The following SLC35D1 variants were observed in gnomAD, a reference collection of about 807,000 sequenced individuals.
The protein encoded by SLC35D1 is nucleotide sugar transporter SLC35D1.
In SLC35D1, 31 loss-of-function variants were observed where a neutral mutation model predicts 46.7. The observed-to-expected ratio is 0.66, with a 90% confidence interval of 0.50 to 0.90. The LOEUF (loss-of-function observed/expected upper bound fraction) is 0.90, where lower values mean the gene tolerates loss of function less well. SLC35D1 is among the 40% of genes least tolerant of loss of function. The pLI, the probability that SLC35D1 is intolerant of heterozygous loss-of-function variation, is 0.00. For missense variants in SLC35D1, 397 were observed against 426.2 expected (o/e 0.93, Z 0.60); for synonymous variants, 195 against 164.6 (o/e 1.18, Z -1.41).
intron 10 of SLC35D1, 112 bp downstream of exon 10, chr1:67,020,257 G>A: frequency 1.4e-6 from 1 of 733,412 alleles, no homozygotes; most frequent in Non-Finnish European, 2.5e-6. Context: ...AACTAAGACA[G>A]TATGTGAGGA....
At chr1:66,976,599 G>T in the SLC35D1 span, 1 of 1,583,162 alleles carries the variant, frequency 6.3e-7, no homozygotes, top group South Asian at 1.2e-5. Flanking sequence ...TTACAGGTCC[G>T]AACAAGGTCA....
chr1:66,982,756 G>A, the SLC35D1 span, among the ~76,000 whole-genome samples: 2 of 152,286 alleles, frequency 1.3e-5, no homozygotes, highest in South Asian at 4.1e-4. Flanking sequence ...TCCTGCTGGA[G>A]TGTATATGCT....
intron 11 of SLC35D1, among the ~76,000 whole-genome samples, chr1:67,008,810 A>G (rs773112493): frequency 5.3e-5 from 8 of 152,028 alleles, no homozygotes; most frequent in Non-Finnish European, 8.8e-5. Context: ...GTTTCACAAC[A>G]TTGCCCAGAC....
the SLC35D1 span, among the ~76,000 whole-genome samples, chr1:66,992,179 T>A: frequency 6.6e-6 from 1 of 152,242 alleles, no homozygotes; most frequent in Admixed American, 6.5e-5. Flanking sequence ...CAGGTCAGAT[T>A]TTGTAGCCAA....
chr1:66,988,889 G>C, the SLC35D1 span, among the ~76,000 whole-genome samples: 5 of 152,316 alleles, frequency 3.3e-5, no homozygotes, highest in African/African-American at 1.2e-4. Context: ...TCTTCAAGAA[G>C]GCAGCAAAGT....
At chr1:67,053,022 G>C in intron 1 of SLC35D1, 33 bp from the exon 2 acceptor site, 1 of 1,612,990 alleles carries the variant, frequency 6.2e-7, no homozygotes, top group Non-Finnish European at 8.5e-7. Flanking sequence ...AACAAGATCA[G>C]AACAAACCTA....
Position 67,019,272 on chromosome 1 carries a change from T to C in SLC35D1, c.876+1097A>G, listed in dbSNP as rs117015430. ...AAGACGAAAGCCATCCACTTTGCCCTTGAGGCATTCACTTTACAAAACCAA... is the reference window on the plus strand; with the variant it reads ...AAGACGAAAGCCATCCACTTTGCCCCTGAGGCATTCACTTTACAAAACCAA... On this transcript the variant is annotated intron_variant, in intron 10 of 11. Coordinates refer to ENST00000235345, the MANE Select transcript of SLC35D1 (RefSeq NM_015139.3). Among the ~76,000 whole-genome samples, 313 of 152,296 alleles carry C rather than the reference T, an allele frequency of 2.1e-3. 8 individuals carry two copies. In the East Asian group the frequency reaches 0.03, roughly 15 times the overall value.
In SLC35D1 at chr1:67,019,143, C is replaced by T. The variant is rs888994735; in HGVS notation, c.876+1226G>A. Among the ~76,000 whole-genome samples the T allele has an allele frequency of 6.4e-4, 98 of 152,138 alleles. 1 individual carries two copies. The highest frequency in any genetic ancestry group is 3.1e-3 in the Admixed American group (47 of 15,260). On this transcript the variant is annotated intron_variant, in intron 10 of 11. Coordinates refer to ENST00000235345, the MANE Select transcript of SLC35D1 (RefSeq NM_015139.3). Reference sequence around the variant, plus strand: ...ATAAAGTACACTAAGAAATCCCAGGCAAATAGGTTTACTTATTAAAATTAA... The same window carrying T: ...ATAAAGTACACTAAGAAATCCCAGGTAAATAGGTTTACTTATTAAAATTAA...
chr1:67,049,876 C>T, intron 5 of SLC35D1, 26 bp from the exon 6 acceptor site: 1 of 1,530,490 alleles, frequency 6.5e-7, no homozygotes. Flanking sequence ...TTTTAAAATA[C>T]ACACATGACT....
At chr1:67,014,603 T>C (rs980807782) in intron 10 of SLC35D1, among the ~76,000 whole-genome samples, 3 of 151,166 alleles carry the variant, frequency 2.0e-5, no homozygotes, top group African/African-American at 4.8e-5. Context: ...ATGATTTTAG[T>C]AATCCTTAAT....
downstream of SLC35D1, chr1:66,999,192 C>T (rs1462243333): frequency 6.6e-6 from 1 of 152,158 alleles, no homozygotes; most frequent in Non-Finnish European, 1.5e-5. Context: ...TAATTTACCA[C>T]AAGTATGCCA....
At chr1:67,017,032 G>C (rs1667699349) in intron 10 of SLC35D1, among the ~76,000 whole-genome samples, 1 of 152,138 alleles carries the variant, frequency 6.6e-6, no homozygotes, top group Non-Finnish European at 1.5e-5. Context: ...ACAGGTATTA[G>C]AGTCTGGTGG....
Position 67,003,779 on chromosome 1 carries a change from T to C in SLC35D1, c.*561A>G, listed in dbSNP as rs567887329. ...TGAAAGTCAGGGAAGCCAACATAGA[T>C]AGCAATACACTTCAAAGCCCCACAT... On this transcript the variant is annotated 3_prime_UTR_variant, in exon 12 of 12. Coordinates refer to ENST00000235345, the MANE Select transcript of SLC35D1 (RefSeq NM_015139.3). 24 of 163,280 alleles carry C rather than the reference T, an allele frequency of 1.5e-4. 1 individual carries two copies. The highest frequency in any genetic ancestry group is 1.4e-3 in the East Asian group (8 of 5,870). The allele number at this position is 163,280 out of a possible 1,614,324, so 10.1% of individuals were successfully genotyped here.
chr1:67,046,377 T>G (rs960846594), intron 7 of SLC35D1, among the ~76,000 whole-genome samples: 1 of 152,034 alleles, frequency 6.6e-6, no homozygotes, highest in Non-Finnish European at 1.5e-5. Context: ...CTACACATAA[T>G]AGAAAAGACT....
intron 7 of SLC35D1, among the ~76,000 whole-genome samples, chr1:67,044,333 A>C (rs147614986): frequency 0.69 from 93,202 of 134,378 alleles, 30,720 homozygotes; most frequent in South Asian, 0.75. Context: ...ACTCCATCTG[A>C]AAAAAAAAAA....
chr1:67,022,459 C>T (rs1667828173), intron 8 of SLC35D1, among the ~76,000 whole-genome samples: 1 of 152,210 alleles, frequency 6.6e-6, no homozygotes, highest in Admixed American at 6.5e-5. Flanking sequence ...CAACATTCGT[C>T]TGACTCCTGT....
At chr1:66,996,819 T>C (rs1667242658), downstream of SLC35D1, among the ~76,000 whole-genome samples, 2 of 152,218 alleles carry the variant, frequency 1.3e-5, no homozygotes, top group African/African-American at 4.8e-5. Context: ...AAAAGATGAA[T>C]TCTAACTTCA....
In SLC35D1 at chr1:67,053,293, T is replaced by TAA. The variant is rs111862174; in HGVS notation, c.204-306_204-305dup. 0.015 allele frequency among the ~76,000 whole-genome samples: 2,163 copies of TAA among 146,890 alleles called. 39 individuals carry two copies. The highest frequency in any genetic ancestry group is 0.035 in the African/African-American group (1,388 of 39,914). On this transcript the variant is annotated intron_variant, in intron 1 of 11. Coordinates refer to ENST00000235345, the MANE Select transcript of SLC35D1 (RefSeq NM_015139.3). ...ATCTCTGCAACGATTTCACACACCTTAAAAAAAAAAACAACCAACTTCTGC... is the reference window on the plus strand; with the variant it reads ...ATCTCTGCAACGATTTCACACACCTTAAAAAAAAAAAAACAACCAACTTCTGC...
chr1:67,021,213 A>G (rs1245226352), intron 9 of SLC35D1, among the ~76,000 whole-genome samples: 1 of 152,240 alleles, frequency 6.6e-6, no homozygotes, highest in African/African-American at 2.4e-5. Context: ...AAAGTGCGCA[A>G]ATTTAGACAA....
Sources: allele counts gnomAD v4.1 joint callset (sites outside exome capture counted in the v4.1 genomes callset), GRCh38; gene constraint gnomAD v4.1.1; transcripts MANE v1.5; gene names NCBI Gene and HGNC (gene_info 2026-07-23, HGNC 2026-07-21).